Variants in SGCZ observed in about 807,000 individuals in gnomAD.
SGCZ encodes zeta-sarcoglycan.
In SGCZ, 40 loss-of-function variants were observed where a neutral mutation model predicts 41.3. The observed-to-expected ratio is 0.97, with a 90% CI of 0.75 to 1.26. SGCZ has a LOEUF of 1.26. Ranked by LOEUF, SGCZ falls within the 50% of genes most tolerant of loss-of-function variation. SGCZ has a pLI of 0.00. For missense variants in SGCZ, 552 were observed against 369.8 expected, an observed-to-expected ratio of 1.49 and a Z score of -4.04; for synonymous variants, 206 against 137.5, an observed-to-expected ratio of 1.50 and a Z score of -3.49.
At chr8:14,197,494 G>GAAAA (rs1805303270) in intron 4 of SGCZ, among the ~76,000 whole-genome samples, 1 of 151,922 alleles carries the variant, frequency 6.6e-6, no homozygotes, top group Non-Finnish European at 1.5e-5. Context: ...AGGCTGGTAT[G>GAAAA]TTCAGCCTTT....
Position 14,309,473 on chromosome 8 carries a change from G to A in SGCZ, c.336+14630C>T, listed in dbSNP as rs890716113. 2.0e-5 allele frequency: 32 copies of A among 1,605,862 alleles called. No homozygotes were observed. The East Asian group carries it at 2.0e-4, about 10-fold the overall frequency. ...TGACTGCAGTGATGATGTATGTGGC[G>A]CTGTTGTTAATGTTAGAGCTAATTG... On this transcript the variant is annotated intron_variant, in intron 3 of 7. Coordinates refer to ENST00000382080, the MANE Select transcript of SGCZ (RefSeq NM_139167.4).
At chr8:14,896,045 C>T (rs889534856) in intron 1 of SGCZ, among the ~76,000 whole-genome samples, 1 of 152,154 alleles carries the variant, frequency 6.6e-6, no homozygotes, top group Non-Finnish European at 1.5e-5. Flanking sequence ...TGGACCAGCC[C>T]ATGCTTGCTA....
At chr8:15,023,353 G>A (rs1034506345) in intron 1 of SGCZ, among the ~76,000 whole-genome samples, 3 of 152,148 alleles carry the variant, frequency 2.0e-5, no homozygotes, top group African/African-American at 2.4e-5. Context: ...TCCCAAGCAG[G>A]TGAAATGTGA....
chr8:14,322,530 T>A (rs1563256568), intron 3 of SGCZ, among the ~76,000 whole-genome samples: 2 of 152,174 alleles, frequency 1.3e-5, no homozygotes, highest in East Asian at 3.9e-4. Flanking sequence ...CACCTGTTGT[T>A]ATGCTCTCAG....
intron 5 of SGCZ, among the ~76,000 whole-genome samples, chr8:14,112,951 T>C (rs1038946231): frequency 1.1e-4 from 17 of 152,134 alleles, no homozygotes; most frequent in African/African-American, 3.6e-4. Flanking sequence ...GCATTTATTG[T>C]ATTCCATTAA....
At chr8:14,551,529 ATAT>A (rs1803839371) in intron 2 of SGCZ, among the ~76,000 whole-genome samples, 1 of 3,756 alleles carries the variant, frequency 2.7e-4, no homozygotes, top group Non-Finnish European at 4.9e-4. Flanking sequence ...TATATAATAT[ATAT>A]AATATATATA....
At chr8:14,535,450 A>T (rs1290213636) in intron 2 of SGCZ, among the ~76,000 whole-genome samples, 2 of 151,904 alleles carry the variant, frequency 1.3e-5, no homozygotes, top group African/African-American at 4.8e-5. Context: ...CACACCATGG[A>T]TTTCACTCGA....
chr8:14,417,327 T>C (rs1332699732), intron 2 of SGCZ, among the ~76,000 whole-genome samples: 3 of 151,932 alleles, frequency 2.0e-5, no homozygotes, highest in Non-Finnish European at 2.9e-5. Flanking sequence ...CATTTCTTTA[T>C]ATAAATTTTA....
chr8:14,778,100 T>G (rs910782293), intron 1 of SGCZ, among the ~76,000 whole-genome samples: 5 of 152,198 alleles, frequency 3.3e-5, no homozygotes, highest in Admixed American at 1.3e-4. Context: ...ATAATTTTTT[T>G]TTGTTTTTGT....
chr8:15,020,465 A>G (rs752113703), intron 1 of SGCZ, among the ~76,000 whole-genome samples: 2 of 152,092 alleles, frequency 1.3e-5, no homozygotes, highest in Non-Finnish European at 2.9e-5. Flanking sequence ...GTGCATATAT[A>G]TATGAGGAGA....
rs142571371 is a variant in SGCZ at position 14,756,541 on chromosome 8, C to A, written c.40-201615G>T. ...TTCCCACAGTACTCTGCAGATGACT[C>A]TAATATGTTTCAAACTCTAACATCA... is the stretch of plus-strand genomic sequence containing the variant. On this transcript the variant is annotated intron_variant, in intron 1 of 7. Transcript: ENST00000382080. 2.7e-3 allele frequency among the ~76,000 whole-genome samples: 406 copies of A among 152,216 alleles called. 4 individuals carry two copies. The highest frequency in any genetic ancestry group is 9.3e-3 in the African/African-American group (387 of 41,552).
At chr8:14,907,381 T>C (rs896232898) in intron 1 of SGCZ, among the ~76,000 whole-genome samples, 2 of 152,050 alleles carry the variant, frequency 1.3e-5, no homozygotes, top group Admixed American at 6.6e-5. Context: ...TGAGATGATG[T>C]CTCACTATCT....
intron 1 of SGCZ, among the ~76,000 whole-genome samples, chr8:15,217,214 G>C (rs1405702273): frequency 6.6e-6 from 1 of 151,628 alleles, no homozygotes; most frequent in African/African-American, 2.4e-5. Flanking sequence ...TCAGGAGATC[G>C]AGACCATCTT....
intron 1 of SGCZ, among the ~76,000 whole-genome samples, chr8:14,820,958 G>C (rs1442980886): frequency 6.7e-6 from 1 of 149,150 alleles, no homozygotes; most frequent in Non-Finnish European, 1.5e-5. Flanking sequence ...ACTCAAAATT[G>C]GTTGAAGGAA....
intron 1 of SGCZ, among the ~76,000 whole-genome samples, chr8:15,167,028 A>G (rs544481122): frequency 3.3e-5 from 5 of 151,178 alleles, no homozygotes; most frequent in African/African-American, 1.2e-4. Context: ...TTTTTTTTTC[A>G]GAGTCAAGGA....
At chr8:14,934,680 G>A (rs1234556689) in intron 1 of SGCZ, among the ~76,000 whole-genome samples, 2 of 151,464 alleles carry the variant, frequency 1.3e-5, no homozygotes, top group African/African-American at 4.9e-5. Flanking sequence ...AATGTTAAGG[G>A]ATAATAATAA....
intron 3 of SGCZ, among the ~76,000 whole-genome samples, chr8:14,250,415 C>T (rs981080944): frequency 2.0e-5 from 3 of 152,072 alleles, no homozygotes; most frequent in Non-Finnish European, 4.4e-5. Context: ...AGTTAAGCTA[C>T]ATTTTCTAAT....
At chr8:14,638,133 T>A (rs1806897285) in intron 1 of SGCZ, among the ~76,000 whole-genome samples, 1 of 151,872 alleles carries the variant, frequency 6.6e-6, no homozygotes, top group African/African-American at 2.4e-5. Flanking sequence ...GATCTCTACT[T>A]AACTAGTCAA....
rs148471151 is a variant in SGCZ, at chr8:14,098,281, A to G, written c.744+4095T>C. On this transcript the variant is annotated intron_variant, in intron 7 of 7. Transcript: ENST00000382080. Reference sequence around the variant, plus strand: ...TTAAGTGACAGGAAAGCAAAGAGAAAGAAATGAATTTGTTCTATTTTTTTA... The same window carrying G: ...TTAAGTGACAGGAAAGCAAAGAGAAGGAAATGAATTTGTTCTATTTTTTTA... Among the ~76,000 whole-genome samples the G allele has an allele frequency of 5.1e-3, 774 of 152,354 alleles. 6 individuals carry two copies. The highest frequency in any genetic ancestry group is 0.018 in the African/African-American group (728 of 41,576).
Sources: allele counts gnomAD v4.1 joint callset (sites outside exome capture counted in the v4.1 genomes callset), GRCh38; gene constraint gnomAD v4.1.1; transcripts MANE v1.5; gene names NCBI Gene and HGNC (gene_info 2026-07-23, HGNC 2026-07-21).